PTK2: variants seen among roughly 807,000 people sequenced by gnomAD.
PTK2 encodes protein tyrosine kinase 2, also known as focal adhesion kinase 1.
Under a neutral mutation model 150.1 loss-of-function variants are expected in PTK2, and 45 were observed. The ratio of observed to expected loss-of-function variants is 0.30; its 90% CI spans 0.24 to 0.38. PTK2 has a LOEUF of 0.38. Ranked by LOEUF, PTK2 falls within the 10% of genes least tolerant of loss-of-function variation. The pLI is 1.00. For missense variants in PTK2, 919 were observed against 1,307.3 expected (o/e 0.70, Z 4.58); for synonymous variants, 432 against 449.2 (o/e 0.96, Z 0.48).
intron 1 of PTK2, chr8:140,954,850 A>ATG: frequency 6.6e-6 from 1 of 151,482 alleles, no homozygotes; most frequent in Non-Finnish European, 1.5e-5. Context: ...CTGAAAGACT[A>ATG]TATATATATA....
rs555605030 is a variant in PTK2 at position 140,869,742 on chromosome 8, AAC to A, written c.363-5345_363-5344del. 1.3e-3 allele frequency among the ~76,000 whole-genome samples: 194 copies of A among 152,296 alleles called. 1 individual carries two copies. Among genetic ancestry groups the A allele is most frequent in the Middle Eastern group, 6.8e-3 (2 of 294 alleles). Reference sequence around the variant, plus strand: ...GACAATAAATATGTTGCTGATAGGAAACACATAAACAAAGAAAGAGGGGCACT... The same window carrying A: ...GACAATAAATATGTTGCTGATAGGAAACATAAACAAAGAAAGAGGGGCACT... On this transcript the variant is annotated intron_variant, in intron 4 of 31. Transcript: ENST00000522684.
intron 7 of PTK2, among the ~76,000 whole-genome samples, chr8:140,834,848 T>C (rs570766722): frequency 6.6e-6 from 1 of 152,364 alleles, no homozygotes; most frequent in South Asian, 2.1e-4. Context: ...CTGACTGATA[T>C]GGTCTTCTTT....
intron 1 of PTK2, among the ~76,000 whole-genome samples, chr8:140,958,458 G>A (rs1374368930): frequency 6.6e-6 from 1 of 152,028 alleles, no homozygotes; most frequent in Non-Finnish European, 1.5e-5. Context: ...GTCTTTTGAG[G>A]AATATGATGT....
chr8:140,682,634 T>TAAAA (rs398068343), intron 27 of PTK2, among the ~76,000 whole-genome samples: 1 of 125,602 alleles, frequency 8.0e-6, no homozygotes, highest in South Asian at 2.5e-4. Context: ...TATAGCTAAT[T>TAAAA]AAAAAAAAAA....
chr8:140,887,919 T>C (rs1301152043), intron 3 of PTK2, among the ~76,000 whole-genome samples: 1 of 152,218 alleles, frequency 6.6e-6, no homozygotes, highest in Non-Finnish European at 1.5e-5. Flanking sequence ...ATGGCTACGA[T>C]AATGGGCAAC....
At chr8:140,752,039 AACATGATGGTTT>A in intron 17 of PTK2, 181 bp downstream of exon 20, 1 of 702,376 alleles carries the variant, frequency 1.4e-6, no homozygotes, top group East Asian at 2.7e-5. Context: ...TTACACATAA[AACATGATGGTTT>A]ACCTGGAAAA....
intron 21 of PTK2, among the ~76,000 whole-genome samples, 181 bp from the exon 25 acceptor site, chr8:140,735,636 A>G (rs1209676241): frequency 6.6e-6 from 1 of 152,200 alleles, no homozygotes; most frequent in Non-Finnish European, 1.5e-5. Flanking sequence ...AACATGATGT[A>G]AATAATGAAA....
intron 16 of PTK2, among the ~76,000 whole-genome samples, chr8:140,759,066 CG>C (rs1166691252): frequency 6.6e-6 from 1 of 152,150 alleles, no homozygotes; most frequent in African/African-American, 2.4e-5. Flanking sequence ...TCTAAGTTTG[CG>C]TAAGTATACC....
intron 1 of PTK2, among the ~76,000 whole-genome samples, chr8:140,995,257 C>A (rs1307875969): frequency 1.3e-5 from 2 of 151,772 alleles, no homozygotes; most frequent in Admixed American, 1.3e-4. Flanking sequence ...GTGGCACGTG[C>A]CTGTAGTCCC....
chr8:140,735,267 G>T (rs2100051930), exon 22 of PTK2: 1 of 1,613,816 alleles, frequency 6.2e-7, no homozygotes, highest in South Asian at 1.1e-5. Context: ...TGAGCTTTAA[G>T]TTCAGTAAAC....
intron 1 of PTK2, among the ~76,000 whole-genome samples, chr8:140,931,070 C>CAAAAA (rs34438579): frequency 1.3e-4 from 15 of 111,654 alleles, no homozygotes; most frequent in South Asian, 2.8e-4. Context: ...GACTCTGTCT[C>CAAAAA]AAAAAAAAAA....
At chr8:140,660,293 C>A (rs1040318374) in intron 31 of PTK2, among the ~76,000 whole-genome samples, 4 of 152,140 alleles carry the variant, frequency 2.6e-5, no homozygotes, top group African/African-American at 9.7e-5. Flanking sequence ...AACTGAGATA[C>A]AGTAAGATGT....
intron 11 of PTK2, among the ~76,000 whole-genome samples, chr8:140,801,039 G>C (rs2100094740): frequency 6.6e-6 from 1 of 152,144 alleles, no homozygotes; most frequent in Admixed American, 6.6e-5. Context: ...GTTCGCCCAA[G>C]GGCTTAGAAA....
At position 140,829,193 on chromosome 8, in the gene PTK2, G is replaced by C. The variant is rs193176712; in HGVS notation, c.648+1279C>G. Among the ~76,000 whole-genome samples the C allele has an allele frequency of 2.6e-4, 39 of 152,252 alleles. 2 individuals are homozygous for C. The highest frequency in any genetic ancestry group is 9.1e-4 in the African/African-American group (38 of 41,540). ...ACTATTCTTAAATGCACGTCTTATTGCATTTCTAGAATGCATTGTGTTTTA... is the reference window on the plus strand; with the variant it reads ...ACTATTCTTAAATGCACGTCTTATTCCATTTCTAGAATGCATTGTGTTTTA... On this transcript the variant is annotated intron_variant, in intron 8 of 31. Transcript: ENST00000522684.
chr8:140,688,737 G>A (rs746646129), intron 26 of PTK2, among the ~76,000 whole-genome samples: 6 of 152,106 alleles, frequency 3.9e-5, no homozygotes, highest in Non-Finnish European at 8.8e-5. Context: ...CTCTCTCAAT[G>A]AGTAAACCAG....
Position 140,933,554 on chromosome 8 carries a change from ATAT to A in PTK2, c.-121-7808_-121-7806del, listed in dbSNP as rs1160763286. 3.9e-5 allele frequency among the ~76,000 whole-genome samples: 6 copies of A among 152,338 alleles called. No homozygotes were observed. In the South Asian group the frequency reaches 6.2e-4, roughly 16 times the overall value. ...TGTATAAAGGTGTATTTATTGTCAA[ATAT>A]TATTCTGCAATGAAAAGGAATGAAG... is the stretch of plus-strand genomic sequence containing the variant. On this transcript the variant is annotated intron_variant, in intron 1 of 31. Transcript: ENST00000522684.
exon 32 of PTK2, chr8:140,658,050 G>C (rs973415038): frequency 2.0e-5 from 3 of 152,134 alleles, no homozygotes; most frequent in Admixed American, 2.0e-4. Context: ...GGGTGGGCCT[G>C]GGAAATGCTA....
At chr8:140,770,367 A>G (rs1366080541) in intron 14 of PTK2, among the ~76,000 whole-genome samples, 1 of 152,222 alleles carries the variant, frequency 6.6e-6, no homozygotes, top group African/African-American at 2.4e-5. Context: ...GTTGCATGCT[A>G]TATTAGGAAA....
At chr8:140,776,132 T>C (rs545505849) in intron 14 of PTK2, among the ~76,000 whole-genome samples, 1 of 152,202 alleles carries the variant, frequency 6.6e-6, no homozygotes, top group East Asian at 1.9e-4. Context: ...GCCTCCCCAG[T>C]GGCTGGGATT....
Sources: allele counts gnomAD v4.1 joint callset (sites outside exome capture counted in the v4.1 genomes callset), GRCh38; gene constraint gnomAD v4.1.1; transcripts MANE v1.5; gene names NCBI Gene and HGNC (gene_info 2026-07-23, HGNC 2026-07-21).